Variants in DAB2IP observed in about 807,000 individuals in gnomAD.
DAB2IP encodes the protein disabled homolog 2-interacting protein.
DAB2IP carries 28 observed loss-of-function variants against 107.2 expected under a neutral mutation model. The observed-to-expected ratio is 0.26, with a 90% CI of 0.19 to 0.36. The LOEUF is 0.36. Among genes scored for constraint, DAB2IP ranks in the 10% least tolerant of loss-of-function variants. The probability of loss-of-function intolerance (pLI) is 1.00; values close to 1 mark genes in which losing one functional copy is unlikely to be tolerated. For synonymous variants in DAB2IP, 755 were observed against 706.4 expected, an observed-to-expected ratio of 1.07 and a Z score of -1.09; for missense variants, 1,400 against 1,644.7, an observed-to-expected ratio of 0.85 and a Z score of 2.57.
chr9:121,732,082 G>A (rs1308208224), intron 3 of DAB2IP, among the ~76,000 whole-genome samples: 3 of 152,212 alleles, frequency 2.0e-5, no homozygotes, highest in Middle Eastern at 3.4e-3. Context: ...GGTTGATCCC[G>A]GCGTCTTGTA....
At chr9:121,767,422 G>A (rs543599965) in intron 9 of DAB2IP, among the ~76,000 whole-genome samples, 1 of 152,340 alleles carries the variant, frequency 6.6e-6, no homozygotes, top group South Asian at 2.1e-4. Flanking sequence ...CCTCTTAGGA[G>A]GGCTCTCAGC....
intron 5 of DAB2IP, 104 bp downstream of exon 5, chr9:121,759,100 G>T: frequency 8.3e-7 from 1 of 1,199,930 alleles, no homozygotes; most frequent in Non-Finnish European, 1.2e-6. Context: ...GATTGGGGGT[G>T]GTCAGCCTGC....
At chr9:121,669,640 T>C (rs1833594502) in intron 1 of DAB2IP, among the ~76,000 whole-genome samples, 1 of 152,092 alleles carries the variant, frequency 6.6e-6, no homozygotes, top group Non-Finnish European at 1.5e-5. Context: ...GAGGCTGGCA[T>C]TGGGGGCTAA....
At chr9:121,707,784 G>A (rs969218063) in intron 3 of DAB2IP, among the ~76,000 whole-genome samples, 8 of 152,234 alleles carry the variant, frequency 5.3e-5, no homozygotes, top group Non-Finnish European at 4.4e-5. Flanking sequence ...CAGATTGTTA[G>A]CAGGTGAAGG....
At chr9:121,748,523 A>G (rs973450582) in intron 3 of DAB2IP, among the ~76,000 whole-genome samples, 2 of 152,148 alleles carry the variant, frequency 1.3e-5, no homozygotes, top group African/African-American at 4.8e-5. Flanking sequence ...TGGCTCATGT[A>G]TTGCCCCATG....
At chr9:121,732,175 C>T (rs1831583466) in intron 3 of DAB2IP, among the ~76,000 whole-genome samples, 1 of 152,210 alleles carries the variant, frequency 6.6e-6, no homozygotes, top group Non-Finnish European at 1.5e-5. Context: ...CCCTGGCACA[C>T]TATGCTGGGT....
intron 1 of DAB2IP, among the ~76,000 whole-genome samples, chr9:121,619,840 A>G (rs1831401447): frequency 6.6e-6 from 1 of 152,212 alleles, no homozygotes; most frequent in South Asian, 2.1e-4. Context: ...GATACTAAAT[A>G]GGGATCTCAT....
chr9:121,688,861 C>T (rs748621867), intron 2 of DAB2IP, among the ~76,000 whole-genome samples: 5 of 152,160 alleles, frequency 3.3e-5, no homozygotes, highest in Non-Finnish European at 7.4e-5. Context: ...TGAGCCGTGA[C>T]CTCTCCACTT....
chr9:121,766,410 T>C, intron 8 of DAB2IP, 84 bp from the exon 9 acceptor site: 1 of 1,319,536 alleles, frequency 7.6e-7, no homozygotes, highest in Non-Finnish European at 1.1e-6. Context: ...AGAGCCAAGG[T>C]TGGAATGCAG....
chr9:121,726,494 C>T (rs749971850), intron 3 of DAB2IP, among the ~76,000 whole-genome samples: 6 of 152,170 alleles, frequency 3.9e-5, no homozygotes, highest in Non-Finnish European at 8.8e-5. Flanking sequence ...GATAGCCAGT[C>T]GGTGGGAAGC....
intron 2 of DAB2IP, among the ~76,000 whole-genome samples, chr9:121,691,733 C>A (rs1229961505): frequency 5.9e-5 from 9 of 152,162 alleles, no homozygotes; most frequent in Admixed American, 5.9e-4. Context: ...GTGGTGGAAT[C>A]CCCTGCTCCC....
In DAB2IP at chr9:121,772,581, C is replaced by T. The variant is rs1834842053; in HGVS notation, c.2079-26C>T. 1 of 1,591,692 alleles carries T rather than the reference C, an allele frequency of 6.3e-7. No homozygotes were observed. Among genetic ancestry groups the T allele is most frequent in the Non-Finnish European group, 8.6e-7 (1 of 1,166,578 alleles). ...CACAGTTCTTCTTTTCCCCTTCTTT[C>T]CCTGTGTGTGCTTGTCTCCCTGCAG... On this transcript the variant is annotated intron_variant, in intron 11 of 15. Transcript: ENST00000408936. This position sits in a 1 kb window ranked among gnomAD's most constrained non-coding sequence, Gnocchi z 4.7.
intron 3 of DAB2IP, among the ~76,000 whole-genome samples, chr9:121,744,712 G>A (rs545948044): frequency 2.7e-4 from 41 of 152,342 alleles, no homozygotes; most frequent in African/African-American, 9.9e-4. Context: ...AGTGCCAGGT[G>A]TCCTGTTCCA....
intron 3 of DAB2IP, among the ~76,000 whole-genome samples, chr9:121,724,987 C>A (rs1024598986): frequency 6.6e-6 from 1 of 152,108 alleles, no homozygotes; most frequent in African/African-American, 2.4e-5. Context: ...GGACAGGGAA[C>A]CCTTGCAAGA....
intron 3 of DAB2IP, among the ~76,000 whole-genome samples, chr9:121,749,578 T>A (rs564832247): frequency 1.6e-4 from 24 of 152,274 alleles, no homozygotes; most frequent in African/African-American, 5.3e-4. Context: ...CCACACAGGC[T>A]GGTGGGCTGG....
intron 8 of DAB2IP, among the ~76,000 whole-genome samples, chr9:121,766,210 C>T (rs2118989213): frequency 6.6e-6 from 1 of 152,336 alleles, no homozygotes; most frequent in East Asian, 1.9e-4. Flanking sequence ...AGAGCCAGCT[C>T]CTCATGCCTC....
chr9:121,692,750 A>G (rs571253674), intron 2 of DAB2IP, among the ~76,000 whole-genome samples: 1 of 152,312 alleles, frequency 6.6e-6, no homozygotes, highest in Non-Finnish European at 1.5e-5. Flanking sequence ...CGCCTGTCAC[A>G]GTGTCTGACA....
exon 2 of DAB2IP, chr9:121,678,693 G>A: frequency 6.3e-7 from 1 of 1,575,060 alleles, no homozygotes. Context: ...CCTCAAGAAA[G>A]GCCGGGCTCT....
chr9:121,664,936 A>G (rs2119099936), intron 1 of DAB2IP, among the ~76,000 whole-genome samples: 1 of 152,362 alleles, frequency 6.6e-6, no homozygotes, highest in African/African-American at 2.4e-5. Context: ...AGGATCTTAT[A>G]TACAGTCTGA....
Sources: allele counts gnomAD v4.1 joint callset (sites outside exome capture counted in the v4.1 genomes callset), GRCh38; gene constraint gnomAD v4.1.1; non-coding constraint Gnocchi (gnomAD v3.1); transcripts MANE v1.5; gene names NCBI Gene and HGNC (gene_info 2026-07-23, HGNC 2026-07-21).